Variants in LGR5 observed in about 807,000 individuals in gnomAD.
LGR5 encodes leucine rich repeat containing G protein-coupled receptor 5, also known as leucine-rich repeat-containing G protein-coupled receptor 5.
LGR5 carries 54 observed loss-of-function variants against 76.7 expected under a neutral mutation model. That is an observed-to-expected ratio of 0.70 (90% confidence interval 0.57 to 0.88). The LOEUF (loss-of-function observed/expected upper bound fraction) is 0.88, where lower values mean the gene tolerates loss of function less well. LGR5 is among the 40% of genes least tolerant of loss of function. The pLI, the probability that LGR5 is intolerant of heterozygous loss-of-function variation, is 0.00. For missense variants in LGR5, 1,078 were observed against 1,073.3 expected (o/e 1.00, Z -0.06); for synonymous variants, 406 against 421.9 (o/e 0.96, Z 0.46).
At chr12:71,477,452 ATAT>A (rs1873387920) in intron 1 of LGR5, among the ~76,000 whole-genome samples, 1 of 149,326 alleles carries the variant, frequency 6.7e-6, no homozygotes, top group Non-Finnish European at 1.5e-5. Context: ...AATATAATAT[ATAT>A]TATATGTGAT....
chr12:71,526,200 G>C (rs1337998367), intron 3 of LGR5, among the ~76,000 whole-genome samples: 2 of 152,082 alleles, frequency 1.3e-5, no homozygotes, highest in East Asian at 3.9e-4. Flanking sequence ...ACCCAATGCT[G>C]TATGTTTATT....
chr12:71,539,332 T>C (rs1473210797), intron 4 of LGR5, among the ~76,000 whole-genome samples: 1 of 152,206 alleles, frequency 6.6e-6, no homozygotes, highest in East Asian at 1.9e-4. Context: ...GTTTAGGAAA[T>C]TTGATACACT....
At chr12:71,475,315 C>A (rs769239770) in intron 1 of LGR5, among the ~76,000 whole-genome samples, 3 of 152,146 alleles carry the variant, frequency 2.0e-5, no homozygotes, top group African/African-American at 7.2e-5. Context: ...TCCCTTTATA[C>A]GTCTTTAATT....
intron 4 of LGR5, among the ~76,000 whole-genome samples, chr12:71,550,669 G>T (rs1877436620): frequency 6.6e-6 from 1 of 151,864 alleles, no homozygotes; most frequent in South Asian, 2.1e-4. Flanking sequence ...TCTCCATGTT[G>T]GCCAGGCTGG....
At chr12:71,472,824 C>G (rs1331676909) in intron 1 of LGR5, among the ~76,000 whole-genome samples, 1 of 152,178 alleles carries the variant, frequency 6.6e-6, no homozygotes, top group East Asian at 1.9e-4. Context: ...TTCCATCACT[C>G]TAGTCAGTAG....
At chr12:71,497,037 C>G (rs748509398) in intron 1 of LGR5, among the ~76,000 whole-genome samples, 7 of 151,866 alleles carry the variant, frequency 4.6e-5, no homozygotes, top group Non-Finnish European at 1.0e-4. Context: ...CATCAGGGGC[C>G]AGGCGCAGTG....
At chr12:71,549,081 C>T (rs900444186) in intron 4 of LGR5, among the ~76,000 whole-genome samples, 4 of 152,156 alleles carry the variant, frequency 2.6e-5, no homozygotes, top group Non-Finnish European at 5.9e-5. Flanking sequence ...ACCAGATTGA[C>T]GTAATATGAA....
chr12:71,482,939 T>A (rs1174746898), intron 1 of LGR5, among the ~76,000 whole-genome samples: 1 of 152,166 alleles, frequency 6.6e-6, no homozygotes, highest in African/African-American at 2.4e-5. Flanking sequence ...ACAATATTTC[T>A]TCTCCAGATT....
chr12:71,584,015 T>G lies in LGR5; in HGVS notation c.2005T>G (p.Ser669Ala). ...ALERGFSVKY[S>A]AKFETKAPFS... The stretch of plus-strand genomic sequence containing the variant: ...GGAGCGTGGGTTCTCTGTGAAATAT[T>G]CTGCAAAATTTGAAACGAAAGCTCC... Residue 669 changes from serine (S) to alanine (A), a missense_variant, in exon 18 of 18, where the codon TCT becomes GCT. By Grantham distance (99) the Ser-to-Ala change is moderately conservative. Transcript: ENST00000266674. 1 of 1,614,206 alleles carries G rather than the reference T, an allele frequency of 6.2e-7. No individual in the cohort carries two copies. The highest frequency in any genetic ancestry group is 8.5e-7 in the Non-Finnish European group (1 of 1,180,036).
chr12:71,506,700 G>A (rs1209999072), intron 2 of LGR5, among the ~76,000 whole-genome samples: 1 of 152,094 alleles, frequency 6.6e-6, no homozygotes, highest in Non-Finnish European at 1.5e-5. Flanking sequence ...CTGCTAAGCT[G>A]GCTGACTTGC....
chr12:71,546,128 C>G (rs1592531571), intron 4 of LGR5, among the ~76,000 whole-genome samples: 2 of 152,018 alleles, frequency 1.3e-5, no homozygotes, highest in East Asian at 3.9e-4. Flanking sequence ...GCCTGGCAAA[C>G]ATGGGGAAAC....
At chr12:71,486,330 G>A (rs1021600409) in intron 1 of LGR5, among the ~76,000 whole-genome samples, 1 of 152,142 alleles carries the variant, frequency 6.6e-6, no homozygotes, top group Admixed American at 6.5e-5. Context: ...CGAGTTGTCT[G>A]AGCCCGACAG....
At chr12:71,552,251 TA>T (rs1428219615) in intron 4 of LGR5, among the ~76,000 whole-genome samples, 1 of 151,192 alleles carries the variant, frequency 6.6e-6, no homozygotes, top group East Asian at 1.9e-4. Flanking sequence ...TAAAGTAAAA[TA>T]AAAAAATTAA....
intron 2 of LGR5, among the ~76,000 whole-genome samples, chr12:71,521,207 A>G (rs1038456629): frequency 6.6e-6 from 1 of 152,218 alleles, no homozygotes; most frequent in Non-Finnish European, 1.5e-5. Context: ...TGCATTGGGG[A>G]CAATATCTAG....
rs1382722134 is a variant in LGR5 at position 71,580,360 on chromosome 12, A to G, written c.1489A>G (p.Lys497Glu). 1 of 1,614,100 alleles carries G rather than the reference A, an allele frequency of 6.2e-7. No individual in the cohort carries two copies. ...CTATAAGATTTCTAATCAATGGAAT[A>G]AAGGTGACAACAGCAGTATGGACGA... ...NAYKISNQWN[K>E]GDNSSMDDLH... Residue 497 changes from lysine to glutamate, a missense_variant, in exon 16 of 18, where the codon AAA becomes GAA. Coordinates refer to ENST00000266674, the MANE Select transcript of LGR5 (RefSeq NM_003667.4).
chr12:71,476,343 GA>G (rs1281284065), intron 1 of LGR5, among the ~76,000 whole-genome samples: 4 of 152,174 alleles, frequency 2.6e-5, no homozygotes, highest in Non-Finnish European at 5.9e-5. Flanking sequence ...ACTTCTAAGT[GA>G]GATCATTCTG....
intron 16 of LGR5, among the ~76,000 whole-genome samples, chr12:71,580,967 C>A (rs1213806672): frequency 6.6e-6 from 1 of 152,122 alleles, no homozygotes; most frequent in Non-Finnish European, 1.5e-5. Flanking sequence ...TAGGTGAATT[C>A]TTATATTTAT....
intron 1 of LGR5, among the ~76,000 whole-genome samples, chr12:71,490,668 T>A (rs1874028796): frequency 6.6e-6 from 1 of 152,200 alleles, no homozygotes; most frequent in Non-Finnish European, 1.5e-5. Context: ...AACTTGAATA[T>A]GCTCTGGCCA....
chr12:71,568,555 A>G (rs562735882), intron 11 of LGR5, among the ~76,000 whole-genome samples: 9 of 152,302 alleles, frequency 5.9e-5, no homozygotes, highest in South Asian at 4.1e-4. Flanking sequence ...TAACATTCAT[A>G]GTAGATCTTG....
Sources: allele counts gnomAD v4.1 joint callset (sites outside exome capture counted in the v4.1 genomes callset), GRCh38; gene constraint gnomAD v4.1.1; transcripts MANE v1.5; gene names NCBI Gene and HGNC (gene_info 2026-07-23, HGNC 2026-07-21).